Variants in SEPTIN9 observed in about 807,000 individuals in gnomAD.
SEPTIN9 encodes the protein septin 9.
A neutral mutation model predicts 56.6 loss-of-function variants in SEPTIN9; 13 were observed. The observed-to-expected ratio is 0.23, with a 90% CI of 0.15 to 0.37. SEPTIN9 has a LOEUF of 0.37. Ranked by LOEUF, SEPTIN9 falls within the 10% of genes least tolerant of loss-of-function variation. The probability of loss-of-function intolerance (pLI) is 1.00; values close to 1 mark genes in which losing one functional copy is unlikely to be tolerated. For missense variants in SEPTIN9, 650 were observed against 823.1 expected, an observed-to-expected ratio of 0.79 and a Z score of 2.57; for synonymous variants, 332 against 334.1, an observed-to-expected ratio of 0.99 and a Z score of 0.07.
intron 3 of SEPTIN9, chr17:77,470,859 A>G (rs550644498): frequency 6.6e-6 from 1 of 152,432 alleles, no homozygotes; most frequent in African/African-American, 2.4e-5. Flanking sequence ...TCTTTCGGAC[A>G]TGCAGGATTC....
chr17:77,424,206 A>G (rs1038440810), intron 3 of SEPTIN9, among the ~76,000 whole-genome samples: 2 of 2,822 alleles, frequency 7.1e-4, no homozygotes, highest in Non-Finnish European at 1.5e-3. Context: ...TCCTGTTACT[A>G]CTGCAGAGAA....
Position 77,392,960 on chromosome 17 carries a change from C to A in SEPTIN9, c.77-9099C>A, listed in dbSNP as rs115635770. On this transcript the variant is annotated intron_variant, in intron 2 of 11. Coordinates refer to ENST00000427177, the MANE Select transcript of SEPTIN9 (RefSeq NM_001113491.2). ...TTTTGCTTCCTGAGAACACACCCCT[C>A]CCCATCACCCCAACTGTGTCCTCCT... is the stretch of plus-strand genomic sequence containing the variant. Among the ~76,000 whole-genome samples, 1,396 of 152,236 alleles carry A rather than the reference C, an allele frequency of 9.2e-3. 16 individuals are homozygous for A. The highest frequency in any genetic ancestry group is 0.031 in the African/African-American group (1,284 of 41,532).
At chr17:77,295,363 C>A (rs1262682944) in intron 1 of SEPTIN9, among the ~76,000 whole-genome samples, 1 of 152,070 alleles carries the variant, frequency 6.6e-6, no homozygotes, top group Non-Finnish European at 1.5e-5. Flanking sequence ...TGACCAGAGT[C>A]CAGGGGCCAG....
chr17:77,492,803 T>G lies in SEPTIN9; in HGVS notation c.1476+87T>G. 6 of 1,325,002 alleles carry G rather than the reference T, an allele frequency of 4.5e-6. No individual in the cohort carries two copies. The highest frequency in any genetic ancestry group is 6.5e-6 in the Non-Finnish European group (6 of 917,790). 82.1% of individuals were successfully genotyped at this position (1,325,002 alleles called of 1,614,324 possible). A position where few individuals can be genotyped will look rare whatever the true frequency, so the allele number is the denominator to read the frequency against. On this transcript the variant is annotated intron_variant, in intron 9 of 11. Transcript: ENST00000427177. The surrounding 1 kb of genome is among the most constrained non-coding windows in gnomAD (Gnocchi z 5.4). ...TGGGGGTTTGGAGGACCTTAAGCCA[T>G]GAAATTATATTCTTGGGGCCAGAGG...
intron 2 of SEPTIN9, among the ~76,000 whole-genome samples, chr17:77,372,176 C>A (rs1401611941): frequency 6.6e-6 from 1 of 152,190 alleles, no homozygotes; most frequent in Non-Finnish European, 1.5e-5. Flanking sequence ...TGGCCCCTGA[C>A]TCTGGGCAGA....
chr17:77,481,220 G>A (rs1318389591), intron 3 of SEPTIN9, among the ~76,000 whole-genome samples: 2 of 152,252 alleles, frequency 1.3e-5, no homozygotes, highest in Non-Finnish European at 2.9e-5. Flanking sequence ...CAGGAGCAGG[G>A]CCATCGAAGG....
At chr17:77,358,989 CTTCCATCT>C (rs1306561191) in intron 2 of SEPTIN9, among the ~76,000 whole-genome samples, 1 of 152,238 alleles carries the variant, frequency 6.6e-6, no homozygotes, top group East Asian at 1.9e-4. Context: ...CGACACACAG[CTTCCATCT>C]CTTGAGCTGA....
chr17:77,350,610 A>AGTGTGTGTGTGTGTGTGTGTGTGTGT (rs57851361), intron 2 of SEPTIN9, among the ~76,000 whole-genome samples: 5 of 149,396 alleles, frequency 3.3e-5, no homozygotes. Flanking sequence ...CCTCCAGTGC[A>AGTGTGTGTGTGTGTGTGTGTGTGTGT]GTGTGTGTGT....
In SEPTIN9 at chr17:77,475,931, C is replaced by A; in HGVS notation, c.722-6213C>A. ...GTGTGGGGATGTGGCCATTTCGGTC[C>A]GTGCTCTGAGAGCCAGGTGTGGGTT... On this transcript the variant is annotated intron_variant, in intron 3 of 11. Transcript: ENST00000427177. The surrounding 1 kb of genome is among the most constrained non-coding windows in gnomAD (Gnocchi z 4.6). 1.3e-6 allele frequency: 2 copies of A among 1,591,084 alleles called. No individual in the cohort carries two copies. The highest frequency in any genetic ancestry group is 1.1e-5 in the South Asian group (1 of 88,024).
intron 11 of SEPTIN9, 97 bp downstream of exon 11, chr17:77,497,463 A>ACCCACTCTGCCCAG: frequency 3.4e-6 from 4 of 1,169,768 alleles, no homozygotes; most frequent in Non-Finnish European, 5.0e-6. Flanking sequence ...AGCCCTGGGC[A>ACCCACTCTGCCCAG]GAGTGGGTGC....
Position 77,405,662 on chromosome 17 carries a change from C to G in SEPTIN9, c.721+2959C>G, listed in dbSNP as rs2036043448. Among the ~76,000 whole-genome samples, 1 of 151,940 alleles carries G rather than the reference C, an allele frequency of 6.6e-6. No homozygotes were observed. Among genetic ancestry groups the G allele is most frequent in the African/African-American group, 2.4e-5 (1 of 41,348 alleles). On this transcript the variant is annotated intron_variant, in intron 3 of 11. Transcript: ENST00000427177. This position sits in a 1 kb window ranked among gnomAD's most constrained non-coding sequence, Gnocchi z 5.8. ...GCAGGGCCTTCCCAATGGAGGAGTG[C>G]TCTTGAAATCCGATGGGAGTGGCTT... is the stretch of plus-strand genomic sequence containing the variant.
intron 2 of SEPTIN9, among the ~76,000 whole-genome samples, chr17:77,359,233 T>C (rs141609659): frequency 3.9e-5 from 6 of 152,224 alleles, no homozygotes; most frequent in African/African-American, 1.4e-4. Flanking sequence ...AACCAAAACT[T>C]CAGTTACTAT....
chr17:77,310,757 C>T lies in SEPTIN9; in HGVS notation c.76+3560C>T, dbSNP rs2032460100. Among the ~76,000 whole-genome samples, 1 of 152,136 alleles carries T rather than the reference C, an allele frequency of 6.6e-6. No individual in the cohort carries two copies. The highest frequency in any genetic ancestry group is 1.9e-4 in the East Asian group (1 of 5,182). On this transcript the variant is annotated intron_variant, in intron 2 of 11. Transcript: ENST00000427177. The surrounding 1 kb of genome is among the most constrained non-coding windows in gnomAD (Gnocchi z 4.7). The stretch of plus-strand genomic sequence containing the variant: ...GTCCAGCGGACTTTTGCCCTGTTTC[C>T]CACGGTGCACGGAGCATTTCATCTC...
In SEPTIN9 at chr17:77,367,855, AAAT is replaced by A. The variant is rs565724156; in HGVS notation, c.77-34198_77-34196del. ...AATAATAAATAAAATAATAATAATAAAATAATAAAAGCAAGGACTTGAACAAAT... is the reference window on the plus strand; with the variant it reads ...AATAATAAATAAAATAATAATAATAAAATAAAAGCAAGGACTTGAACAAAT... On this transcript the variant is annotated intron_variant, in intron 2 of 11. Transcript: ENST00000427177. This position sits in a 1 kb window ranked among gnomAD's most constrained non-coding sequence, Gnocchi z 4.5. Among the ~76,000 whole-genome samples, 220 of 152,154 alleles carry A rather than the reference AAAT, an allele frequency of 1.4e-3. No individual in the cohort carries two copies. The highest frequency in any genetic ancestry group is 2.5e-3 in the Admixed American group (38 of 15,274).
intron 2 of SEPTIN9, among the ~76,000 whole-genome samples, chr17:77,308,208 G>A (rs1177997338): frequency 6.6e-6 from 1 of 152,248 alleles, no homozygotes; most frequent in African/African-American, 2.4e-5. Context: ...TGCCATCATG[G>A]TGGCAGACAG....
chr17:77,436,530 C>T lies in SEPTIN9; in HGVS notation c.721+33827C>T, dbSNP rs1161568042. Reference sequence around the variant, plus strand: ...TCCAGCAAGAGCTCCTTCCCATCCTCCCACTTCCTTTGCCATGGGCCCCCT... The same window carrying T: ...TCCAGCAAGAGCTCCTTCCCATCCTTCCACTTCCTTTGCCATGGGCCCCCT... On this transcript the variant is annotated intron_variant, in intron 3 of 11. Transcript: ENST00000427177. The surrounding 1 kb of genome is among the most constrained non-coding windows in gnomAD (Gnocchi z 4.4). 6.6e-6 allele frequency among the ~76,000 whole-genome samples: 1 copy of T among 152,238 alleles called. No homozygotes were observed. Among genetic ancestry groups the T allele is most frequent in the African/African-American group, 2.4e-5 (1 of 41,462 alleles).
intron 2 of SEPTIN9, among the ~76,000 whole-genome samples, chr17:77,379,849 GT>G (rs1227278515): frequency 6.6e-6 from 1 of 151,922 alleles, no homozygotes; most frequent in Non-Finnish European, 1.5e-5. Context: ...CAAAAACCAA[GT>G]TCCTGTGCTC....
chr17:77,485,732 A>G (rs1263279921), intron 4 of SEPTIN9, among the ~76,000 whole-genome samples: 1 of 151,988 alleles, frequency 6.6e-6, no homozygotes, highest in Non-Finnish European at 1.5e-5. Flanking sequence ...GGGCTACTAA[A>G]CAGTTCAGGC....
chr17:77,380,847 G>A (rs1452230187), intron 2 of SEPTIN9, among the ~76,000 whole-genome samples: 2 of 152,232 alleles, frequency 1.3e-5, no homozygotes, highest in East Asian at 1.9e-4. Context: ...GGGGTGGGGA[G>A]TAGGCCGTTG....
Sources: gnomAD v4.1 joint callset for allele counts (sites outside exome capture counted in the v4.1 genomes callset) on GRCh38, gnomAD v4.1.1 for gene constraint, Gnocchi (gnomAD v3.1) non-coding constraint, MANE v1.5 for transcripts, NCBI Gene and HGNC (gene_info 2026-07-23, HGNC 2026-07-21) for gene names.